PDE4D: variants seen among roughly 807,000 people sequenced by gnomAD.
PDE4D encodes phosphodiesterase 4D.
A neutral mutation model predicts 87.4 loss-of-function variants in PDE4D; 24 were observed. The observed-to-expected ratio is 0.27, with a 90% confidence interval of 0.20 to 0.39. PDE4D has a LOEUF of 0.39. PDE4D is among the 10% of genes least tolerant of loss of function. The pLI is 1.00. For synonymous variants in PDE4D, 384 were observed against 383.2 expected (o/e 1.00, Z -0.02); for missense variants, 714 against 1,041.0 (o/e 0.69, Z 4.32).
chr5:60,483,695 A>T (rs563577984), intron 1 of PDE4D, among the ~76,000 whole-genome samples: 8 of 152,300 alleles, frequency 5.3e-5, no homozygotes, highest in Non-Finnish European at 7.4e-5. Flanking sequence ...ATGGCCCTAG[A>T]TCCAGTTTTC....
chr5:60,143,238 G>A (rs1335139708), intron 2 of PDE4D, among the ~76,000 whole-genome samples: 1 of 152,116 alleles, frequency 6.6e-6, no homozygotes, highest in South Asian at 2.1e-4. Context: ...TGCATTCTCT[G>A]ACATGTTTGC....
At chr5:59,956,929 C>T (rs1758895714) in intron 3 of PDE4D, among the ~76,000 whole-genome samples, 1 of 152,006 alleles carries the variant, frequency 6.6e-6, no homozygotes, top group South Asian at 2.1e-4. Context: ...TTCTAATGTT[C>T]TAAATTCTTA....
chr5:60,004,831 G>A (rs1185137458), intron 2 of PDE4D, among the ~76,000 whole-genome samples: 1 of 152,114 alleles, frequency 6.6e-6, no homozygotes, highest in Admixed American at 6.6e-5. Context: ...TGGAGAATTG[G>A]GAACGCTTGT....
chr5:59,594,880 T>C (rs1220732115), intron 1 of PDE4D, among the ~76,000 whole-genome samples: 4 of 152,134 alleles, frequency 2.6e-5, no homozygotes, highest in African/African-American at 9.7e-5. Flanking sequence ...CTATATGTTT[T>C]AGAGATAATG....
chr5:59,955,376 CT>C (rs1309079610), intron 3 of PDE4D, among the ~76,000 whole-genome samples: 5 of 152,164 alleles, frequency 3.3e-5, no homozygotes, highest in African/African-American at 1.2e-4. Context: ...CAGCTGGTAT[CT>C]GCAGTCTGGG....
At chr5:58,996,973 A>T (rs1170639894) in intron 6 of PDE4D, among the ~76,000 whole-genome samples, 1 of 152,134 alleles carries the variant, frequency 6.6e-6, no homozygotes. Flanking sequence ...GATTGGAGAA[A>T]TCCTCCATCA....
chr5:59,405,847 T>C (rs1218321529), intron 1 of PDE4D, among the ~76,000 whole-genome samples: 5 of 152,252 alleles, frequency 3.3e-5, no homozygotes, highest in East Asian at 3.8e-4. Context: ...ATTTACATTA[T>C]GTTGAACCAT....
At chr5:60,285,809 G>A (rs958718509) in intron 1 of PDE4D, among the ~76,000 whole-genome samples, 6 of 152,184 alleles carry the variant, frequency 3.9e-5, no homozygotes, top group Admixed American at 1.3e-4. Flanking sequence ...TTCCTTTCAG[G>A]TCTATTTGTA....
chr5:59,060,595 G>A (rs1016673826), intron 5 of PDE4D, among the ~76,000 whole-genome samples: 4 of 152,082 alleles, frequency 2.6e-5, no homozygotes, highest in African/African-American at 9.7e-5. Flanking sequence ...TAAATTGCAT[G>A]TCATGGGGTG....
chr5:59,142,732 C>G lies in PDE4D; in HGVS notation c.808+37863G>C, dbSNP rs568628469. 3.9e-5 allele frequency among the ~76,000 whole-genome samples: 6 copies of G among 152,192 alleles called. No homozygotes were observed. The East Asian group carries it at 1.2e-3, about 30-fold the overall frequency. On this transcript the variant is annotated intron_variant, in intron 5 of 14. Coordinates refer to ENST00000340635, the MANE Select transcript of PDE4D (RefSeq NM_001104631.2). ...CGGGCGGATCATGAGGTTAGGAGATCGAGTGAAACCCCATCTCTACTAAAA... is the reference window on the plus strand; with the variant it reads ...CGGGCGGATCATGAGGTTAGGAGATGGAGTGAAACCCCATCTCTACTAAAA...
At chr5:59,298,210 G>C (rs1202046697) in intron 1 of PDE4D, among the ~76,000 whole-genome samples, 1 of 150,538 alleles carries the variant, frequency 6.6e-6, no homozygotes, top group African/African-American at 2.4e-5. Context: ...CTGTCTCCTG[G>C]GTGCAAGTGA....
At chr5:59,371,693 A>G (rs987380250) in intron 1 of PDE4D, among the ~76,000 whole-genome samples, 1 of 152,230 alleles carries the variant, frequency 6.6e-6, no homozygotes, top group Non-Finnish European at 1.5e-5. Context: ...CCTAAAAACT[A>G]ATAACTAAAG....
At chr5:59,127,242 T>G (rs1248852864) in intron 5 of PDE4D, among the ~76,000 whole-genome samples, 1 of 152,162 alleles carries the variant, frequency 6.6e-6, no homozygotes, top group Non-Finnish European at 1.5e-5. Flanking sequence ...TCCTTTGAAG[T>G]GTTTAATTCC....
intron 2 of PDE4D, among the ~76,000 whole-genome samples, chr5:60,059,058 G>GTT (rs1771111654): frequency 6.6e-6 from 1 of 151,482 alleles, no homozygotes; most frequent in Admixed American, 6.6e-5. Context: ...GTGTGTGTGT[G>GTT]TGTGTGTGTG....
At chr5:59,170,905 A>G (rs1782652373) in intron 5 of PDE4D, among the ~76,000 whole-genome samples, 1 of 142,466 alleles carries the variant, frequency 7.0e-6, no homozygotes, top group African/African-American at 2.6e-5. Context: ...TTTTGAGATG[A>G]AGTTTCTCTC....
At chr5:59,978,660 C>T (rs1191187364) in intron 3 of PDE4D, among the ~76,000 whole-genome samples, 1 of 152,176 alleles carries the variant, frequency 6.6e-6, no homozygotes, top group African/African-American at 2.4e-5. Context: ...AGAGGATTGA[C>T]TCCAATTTTG....
intron 2 of PDE4D, among the ~76,000 whole-genome samples, chr5:60,049,754 C>T (rs1769851145): frequency 6.6e-6 from 1 of 152,176 alleles, no homozygotes; most frequent in Non-Finnish European, 1.5e-5. Flanking sequence ...CTGGGAGAAC[C>T]ACTGCTCTCT....
intron 1 of PDE4D, among the ~76,000 whole-genome samples, chr5:59,534,319 T>C (rs37576): frequency 0.36 from 54,465 of 152,090 alleles, 10,649 homozygotes; most frequent in East Asian, 0.84. Context: ...TATTTTCCCC[T>C]GCGAGTTAAA....
chr5:59,330,630 A>G (rs1300345601), intron 1 of PDE4D, among the ~76,000 whole-genome samples: 1 of 151,624 alleles, frequency 6.6e-6, no homozygotes, highest in East Asian at 1.9e-4. Context: ...CATTTTTTTT[A>G]TTTCTCAAAA....
Sources: allele counts gnomAD v4.1 joint callset (sites outside exome capture counted in the v4.1 genomes callset), GRCh38; gene constraint gnomAD v4.1.1; transcripts MANE v1.5; gene names NCBI Gene and HGNC (gene_info 2026-07-23, HGNC 2026-07-21).